The following SARS2 variants were observed in gnomAD, a reference collection of about 807,000 sequenced individuals.
The protein encoded by SARS2 is serine--tRNA ligase, mitochondrial.
In SARS2, 52 loss-of-function variants were observed where a neutral mutation model predicts 66.8. The ratio of observed to expected loss-of-function variants is 0.78; its 90% CI spans 0.62 to 0.98. The LOEUF (loss-of-function observed/expected upper bound fraction) is 0.98, where lower values mean the gene tolerates loss of function less well. Among genes scored for constraint, SARS2 ranks in the 50% least tolerant of loss-of-function variants. SARS2 has a pLI of 0.00. For synonymous variants in SARS2, 306 were observed against 281.4 expected (o/e 1.09, Z -0.87); for missense variants, 673 against 706.3 (o/e 0.95, Z 0.53).
At chr19:38,919,657 A>T (rs1974481360) in intron 7 of SARS2, 105 bp downstream of exon 7, 2 of 855,170 alleles carry the variant, frequency 2.3e-6, no homozygotes. Flanking sequence ...AAGCTCTGAG[A>T]GCAGTGACTA....
chr19:38,920,064 G>A (rs987182161), intron 6 of SARS2, 22 bp downstream of exon 6: 3 of 1,554,776 alleles, frequency 1.9e-6, no homozygotes, highest in South Asian at 1.2e-5. Flanking sequence ...GAGGGGCGTG[G>A]GGAGCCAGGG....
chr19:38,922,907 CTT>C (rs151060566), intron 2 of SARS2, among the ~76,000 whole-genome samples: 4 of 143,400 alleles, frequency 2.8e-5, no homozygotes, highest in Non-Finnish European at 4.6e-5. Context: ...CTCAGGTATT[CTT>C]TTTTTTTTTT....
chr19:38,920,294 GA>G, intron 5 of SARS2, 145 bp from the exon 6 acceptor site: 2 of 689,342 alleles, frequency 2.9e-6, no homozygotes, highest in Non-Finnish European at 2.6e-6. Flanking sequence ...AGAAGACACG[GA>G]AAGGGAGGGA....
At chr19:38,918,176 A>G in intron 9 of SARS2, 37 bp from the exon 10 acceptor site, 1 of 1,572,638 alleles carries the variant, frequency 6.4e-7, no homozygotes, top group Non-Finnish European at 8.6e-7. Flanking sequence ...CAGGGCTGCC[A>G]GTGCCCAGAG....
In SARS2 at chr19:38,921,634, G is replaced by C. The variant is rs947932141; in HGVS notation, c.427C>G (p.Arg143Gly). 5 of 1,614,082 alleles carry C rather than the reference G, an allele frequency of 3.1e-6. No homozygotes were observed. Among genetic ancestry groups the C allele is most frequent in the African/African-American group, 1.3e-5 (1 of 74,930 alleles). ...PKYQGLRARG[R>G]EIRKELVHLY... ...TGAACAAGCTCCTTCCGGATCTCCC[G>C]GCCACGTGCCCGCAGACCCTGGTAC... Residue 143 changes from arginine (R) to glycine (G), a missense_variant, in exon 4 of 16, where the codon CGG (arginine) becomes GGG (glycine). By Grantham distance (125) the Arg-to-Gly change is moderately radical. Coordinates refer to ENST00000221431, the MANE Select transcript of SARS2 (RefSeq NM_017827.4).
chr19:38,928,225 A>G (rs1974661832), intron 1 of SARS2: 1 of 152,224 alleles, frequency 6.6e-6, no homozygotes, highest in Admixed American at 6.6e-5. Context: ...TAAAAATACA[A>G]AAATTAGTTG....
At chr19:38,919,741 C>G in intron 7 of SARS2, 21 bp downstream of exon 7, 2 of 1,600,716 alleles carry the variant, frequency 1.2e-6, no homozygotes, top group Non-Finnish European at 1.7e-6. Context: ...CTCCAGGCAG[C>G]CCTCCTATCT....
At chr19:38,921,752 C>T (rs1974541392) in intron 3 of SARS2, 85 bp from the exon 4 acceptor site, 2 of 1,556,794 alleles carry the variant, frequency 1.3e-6, no homozygotes, top group Admixed American at 3.8e-5. Flanking sequence ...CGGCAGAGCC[C>T]CTGTGGTGGA....
intron 2 of SARS2, among the ~76,000 whole-genome samples, chr19:38,923,700 G>A (rs951406547): frequency 5.9e-5 from 9 of 152,076 alleles, no homozygotes; most frequent in African/African-American, 2.2e-4. Context: ...CAAAAATCAG[G>A]CCGGGCTTGG....
chr19:38,921,602 G>C lies in SARS2; in HGVS notation c.459C>G (p.Tyr153Ter), dbSNP rs1381480260. Residue 153 changes from tyrosine to a stop codon, truncating the protein, a stop_gained, in exon 4 of 16, where the codon TAC becomes TAG. Coordinates refer to ENST00000221431, the MANE Select transcript of SARS2 (RefSeq NM_017827.4). LOFTEE classifies it high-confidence loss of function. ...GCTCCTCAAGCTGGGCCTCCCTGGGGTACAGGTGAACAAGCTCCTTCCGGA... is the reference window on the plus strand; with the variant it reads ...GCTCCTCAAGCTGGGCCTCCCTGGGCTACAGGTGAACAAGCTCCTTCCGGA... ...REIRKELVHLYPREAQLEEQF... is the reference protein window; with the variant it reads ...REIRKELVHL 2 of 1,614,102 alleles carry C rather than the reference G, an allele frequency of 1.2e-6. No individual in the cohort carries two copies. The highest frequency in any genetic ancestry group is 2.2e-5 in the East Asian group (1 of 44,892).
intron 12 of SARS2, among the ~76,000 whole-genome samples, chr19:38,917,269 A>G (rs535629488): frequency 1.3e-5 from 2 of 152,328 alleles, no homozygotes; most frequent in South Asian, 4.1e-4. Context: ...TTACGCTCCC[A>G]GTTTTTTACA....
At chr19:38,916,351 G>A in intron 12 of SARS2, 37 bp from the exon 13 acceptor site, 1 of 1,561,918 alleles carries the variant, frequency 6.4e-7, no homozygotes, top group Non-Finnish European at 8.8e-7. Context: ...AAGGTCAGCG[G>A]GTGAGAGGAG....
At chr19:38,919,704 C>T (rs556217011) in intron 7 of SARS2, 58 bp downstream of exon 7, 2 of 1,385,056 alleles carry the variant, frequency 1.4e-6, no homozygotes, top group Non-Finnish European at 2.1e-6. Context: ...CCGTTGGGCC[C>T]TCTGAGCTCA....
At chr19:38,921,752 CCT>C (rs1176215528) in intron 3 of SARS2, 85 bp from the exon 4 acceptor site, 4 of 1,556,676 alleles carry the variant, frequency 2.6e-6, no homozygotes, top group South Asian at 2.3e-5. Flanking sequence ...CGGCAGAGCC[CCT>C]GTGGTGGACA....
At chr19:38,925,142 T>C (rs915283901) in intron 2 of SARS2, among the ~76,000 whole-genome samples, 6 of 152,088 alleles carry the variant, frequency 3.9e-5, no homozygotes, top group South Asian at 2.1e-4. Flanking sequence ...GGTGAAACCC[T>C]ATCTCTACTA....
rs1486606933 is a variant in SARS2 at position 38,915,591 on chromosome 19, G to A, written c.*15C>T. The A allele has an allele frequency of 6.2e-7, 1 of 1,610,878 alleles. No homozygotes were observed. The highest frequency in any genetic ancestry group is 8.5e-7 in the Non-Finnish European group (1 of 1,179,730). ...GGAAGCAGTGACACCCCCGAGGGCTGCTGTGGGTGGGTTCTTAGCTTACAG... is the reference window on the plus strand; with the variant it reads ...GGAAGCAGTGACACCCCCGAGGGCTACTGTGGGTGGGTTCTTAGCTTACAG... On this transcript the variant is annotated 3_prime_UTR_variant, in exon 16 of 16. Coordinates refer to ENST00000221431, the MANE Select transcript of SARS2 (RefSeq NM_017827.4).
chr19:38,929,031 A>G (rs1974678928), intron 1 of SARS2, among the ~76,000 whole-genome samples: 1 of 152,054 alleles, frequency 6.6e-6, no homozygotes, highest in South Asian at 2.1e-4. Context: ...AGCCTGGCCA[A>G]CATGGTGAAA....
In SARS2 at chr19:38,918,472, G is replaced by A. The variant is rs1239481749; in HGVS notation, c.866C>T (p.Ala289Val). ...NPSQIYNIDP[A>V]RFKDLNLAGT... ...AGCCAGGTTGAGATCTTTGAAGCGG[G>A]CAGGGTCGATGTTGTAAATTTGGGA... The change falls in exon 9 of 16, where the codon GCC becomes GTC. Residue 289 changes from alanine (A) to valine (V), a missense_variant. Physicochemically the swap from Ala to Val is moderately conservative, Grantham distance 64. Coordinates refer to ENST00000221431, the MANE Select transcript of SARS2 (RefSeq NM_017827.4). The A allele has an allele frequency of 6.2e-7, 1 of 1,614,190 alleles. No homozygotes were observed. Among genetic ancestry groups the A allele is most frequent in the Non-Finnish European group, 8.5e-7 (1 of 1,180,018 alleles).
chr19:38,917,352 G>A (rs1568423367), intron 12 of SARS2, among the ~76,000 whole-genome samples: 1 of 152,254 alleles, frequency 6.6e-6, no homozygotes, highest in Non-Finnish European at 1.5e-5. Context: ...CAGGGTGAGA[G>A]GAAGTGGGGT....
Sources: gnomAD v4.1 joint callset for allele counts (sites outside exome capture counted in the v4.1 genomes callset) on GRCh38, gnomAD v4.1.1 for gene constraint, MANE v1.5 for transcripts, NCBI Gene and HGNC (gene_info 2026-07-23, HGNC 2026-07-21) for gene names.